Variants in ANKRD13C observed in about 807,000 individuals in gnomAD.
The protein encoded by ANKRD13C is ankyrin repeat domain 13C.
ANKRD13C carries 16 observed loss-of-function variants against 65.5 expected under a neutral mutation model. The observed-to-expected ratio is 0.24, with a 90% CI of 0.17 to 0.37. The LOEUF (loss-of-function observed/expected upper bound fraction) is 0.37, where lower values mean the gene tolerates loss of function less well. Among genes scored for constraint, ANKRD13C ranks in the 10% least tolerant of loss-of-function variants. ANKRD13C has a pLI of 1.00. For missense variants in ANKRD13C, 503 were observed against 655.9 expected, an observed-to-expected ratio of 0.77 and a Z score of 2.55; for synonymous variants, 235 against 238.7, an observed-to-expected ratio of 0.98 and a Z score of 0.14.
intron 9 of ANKRD13C, among the ~76,000 whole-genome samples, chr1:70,290,379 T>C (rs976633505): frequency 7.2e-5 from 11 of 152,334 alleles, no homozygotes; most frequent in Admixed American, 2.6e-4. Context: ...CTTTGTAGTA[T>C]GTAGTAGCCT....
chr1:70,319,424 A>G (rs924563298), intron 3 of ANKRD13C, among the ~76,000 whole-genome samples: 1 of 151,892 alleles, frequency 6.6e-6, no homozygotes, highest in Non-Finnish European at 1.5e-5. Context: ...TGGCCAACAT[A>G]GTGAAACCCC....
intron 3 of ANKRD13C, 33 bp downstream of exon 3, chr1:70,324,820 G>T: frequency 7.0e-7 from 1 of 1,421,516 alleles, no homozygotes; most frequent in Non-Finnish European, 9.7e-7. Context: ...ATTTTTAGAA[G>T]ATATATCAAC....
chr1:70,292,293 T>G, intron 9 of ANKRD13C, 95 bp downstream of exon 9: 1 of 857,372 alleles, frequency 1.2e-6, no homozygotes, highest in Non-Finnish European at 1.7e-6. Flanking sequence ...ATAAAAGCTG[T>G]GAGTACATTT....
chr1:70,328,082 A>C (rs1681624662), intron 2 of ANKRD13C, among the ~76,000 whole-genome samples: 1 of 152,074 alleles, frequency 6.6e-6, no homozygotes, highest in African/African-American at 2.4e-5. Flanking sequence ...ATAACAACAA[A>C]AAAATTTATA....
intron 8 of ANKRD13C, among the ~76,000 whole-genome samples, chr1:70,294,970 A>G (rs1467582068): frequency 6.6e-6 from 1 of 151,870 alleles, no homozygotes; most frequent in Non-Finnish European, 1.5e-5. Context: ...AAAATAAATC[A>G]ATTTCTTCCT....
rs566674141 is a variant in ANKRD13C at position 70,330,069 on chromosome 1, G to T, written c.473-5112C>A. Among the ~76,000 whole-genome samples the T allele has an allele frequency of 1.0e-4, 15 of 149,256 alleles. No individual in the cohort carries two copies. The South Asian group carries it at 3.2e-3, about 32-fold the overall frequency. ...GCACCACTGCACTCCAGCCTGGGTG[G>T]CAGGGCGATATTCCGTCTCAAAAAA... On this transcript the variant is annotated intron_variant, in intron 2 of 12. Coordinates refer to ENST00000370944, the MANE Select transcript of ANKRD13C (RefSeq NM_030816.5).
At chr1:70,346,223 C>T (rs1213216197) in intron 1 of ANKRD13C, among the ~76,000 whole-genome samples, 1 of 151,852 alleles carries the variant, frequency 6.6e-6, no homozygotes, top group Non-Finnish European at 1.5e-5. Flanking sequence ...GTCACAAATA[C>T]CAAAAAAGCA....
chr1:70,291,263 C>T (rs559709183), intron 9 of ANKRD13C, among the ~76,000 whole-genome samples: 190 of 152,244 alleles, frequency 1.2e-3, no homozygotes, highest in Non-Finnish European at 1.8e-3. Context: ...TCAGGTGATC[C>T]GCCCACCTTG....
At chr1:70,347,316 C>T (rs1014228260) in intron 1 of ANKRD13C, among the ~76,000 whole-genome samples, 1 of 152,022 alleles carries the variant, frequency 6.6e-6, no homozygotes, top group Admixed American at 6.6e-5. Context: ...ATCCAATTCT[C>T]TAGGAACTGC....
At position 70,260,735 on chromosome 1, in the gene ANKRD13C, GA is replaced by G. The variant is rs1168433686; in HGVS notation, c.*1981del. 1 of 151,904 alleles carries G rather than the reference GA, an allele frequency of 6.6e-6. No individual in the cohort carries two copies. Among genetic ancestry groups the G allele is most frequent in the Non-Finnish European group, 1.5e-5 (1 of 67,914 alleles). 9.4% of individuals were successfully genotyped at this position (151,904 alleles called of 1,614,324 possible). ...TAATCTGTTTCTACCATTCTTTAAA[GA>G]AAAAAGCTTTAAAAACAAAATTCAA... On this transcript the variant is annotated 3_prime_UTR_variant, in exon 13 of 13. Transcript: ENST00000370944.
At chr1:70,326,999 CA>C (rs1254365026) in intron 2 of ANKRD13C, among the ~76,000 whole-genome samples, 1 of 116,082 alleles carries the variant, frequency 8.6e-6, no homozygotes, top group Non-Finnish European at 1.8e-5. Flanking sequence ...GAAAATTTAA[CA>C]TAATACCCCA....
chr1:70,337,244 T>A (rs960700525), intron 1 of ANKRD13C, among the ~76,000 whole-genome samples: 2 of 152,056 alleles, frequency 1.3e-5, no homozygotes, highest in African/African-American at 4.8e-5. Flanking sequence ...AATACTATTT[T>A]GAGCAAAATT....
At chr1:70,345,518 T>C (rs1682489723) in intron 1 of ANKRD13C, among the ~76,000 whole-genome samples, 1 of 152,152 alleles carries the variant, frequency 6.6e-6, no homozygotes, top group Non-Finnish European at 1.5e-5. Context: ...TGGTCTGTCT[T>C]GTGCTTTGAA....
chr1:70,320,440 T>C (rs1457655975), intron 3 of ANKRD13C, among the ~76,000 whole-genome samples: 1 of 151,726 alleles, frequency 6.6e-6, no homozygotes, highest in Admixed American at 6.6e-5. Context: ...CTCAAGTGGA[T>C]CCTCCCATCT....
intron 3 of ANKRD13C, among the ~76,000 whole-genome samples, chr1:70,322,627 T>C (rs1367224946): frequency 6.6e-6 from 1 of 152,138 alleles, no homozygotes; most frequent in Non-Finnish European, 1.5e-5. Context: ...AGAGACCAGG[T>C]CTTTTATTCT....
intron 12 of ANKRD13C, among the ~76,000 whole-genome samples, chr1:70,264,854 G>C (rs1361828421): frequency 1.3e-5 from 2 of 152,162 alleles, no homozygotes; most frequent in African/African-American, 4.8e-5. Context: ...CTGTTGAATA[G>C]GGTGGCCAAA....
At chr1:70,342,881 A>C (rs149948984) in intron 1 of ANKRD13C, among the ~76,000 whole-genome samples, 2 of 152,292 alleles carry the variant, frequency 1.3e-5, no homozygotes, top group East Asian at 3.9e-4. Flanking sequence ...AAGCATGTGA[A>C]TGTTATATCT....
intron 9 of ANKRD13C, among the ~76,000 whole-genome samples, chr1:70,280,681 T>C (rs959796147): frequency 6.6e-6 from 1 of 152,350 alleles, no homozygotes; most frequent in South Asian, 2.1e-4. Context: ...CTGTCAACTA[T>C]ATAACCTCAG....
At chr1:70,307,960 A>C (rs1311959250) in intron 5 of ANKRD13C, among the ~76,000 whole-genome samples, 2 of 152,188 alleles carry the variant, frequency 1.3e-5, no homozygotes, top group Non-Finnish European at 2.9e-5. Flanking sequence ...TTGAAAAAGA[A>C]AAAAAGAAAG....
Sources: gnomAD v4.1 joint callset for allele counts (sites outside exome capture counted in the v4.1 genomes callset) on GRCh38, gnomAD v4.1.1 for gene constraint, MANE v1.5 for transcripts, NCBI Gene and HGNC (gene_info 2026-07-23, HGNC 2026-07-21) for gene names.